ATP8A2: variants seen among roughly 807,000 people sequenced by gnomAD.
ATP8A2 encodes the protein ATPase phospholipid transporting 8A2, also known as phospholipid-transporting ATPase IB.
ATP8A2 carries 100 observed loss-of-function variants against 165.6 expected under a neutral mutation model. The ratio of observed to expected loss-of-function variants is 0.60; its 90% CI spans 0.51 to 0.71. The LOEUF is 0.71. Ranked by LOEUF, ATP8A2 falls within the 30% of genes least tolerant of loss-of-function variation. The pLI is 0.00. For synonymous variants in ATP8A2, 543 were observed against 548.8 expected (o/e 0.99, Z 0.15); for missense variants, 1,227 against 1,479.5 (o/e 0.83, Z 2.80).
In ATP8A2 at chr13:25,730,282, A is replaced by G. The variant is rs987119368; in HGVS notation, c.2384+30937A>G. Among the ~76,000 whole-genome samples, 3 of 152,248 alleles carry G rather than the reference A, an allele frequency of 2.0e-5. No individual in the cohort carries two copies. The East Asian group carries it at 5.8e-4, about 29-fold the overall frequency. Reference sequence around the variant, plus strand: ...ACTCCCGCCTGAGTGACAGAGTGAGACCCTGTCTCAACAACAACAACAACA... The same window carrying G: ...ACTCCCGCCTGAGTGACAGAGTGAGGCCCTGTCTCAACAACAACAACAACA... On this transcript the variant is annotated intron_variant, in intron 25 of 36. Coordinates refer to ENST00000381655, the MANE Select transcript of ATP8A2 (RefSeq NM_016529.6).
At chr13:25,853,397 A>T (rs1952062369) in intron 30 of ATP8A2, among the ~76,000 whole-genome samples, 1 of 81,152 alleles carries the variant, frequency 1.2e-5, no homozygotes, top group Non-Finnish European at 2.4e-5. Flanking sequence ...TCTAAAAAAA[A>T]TATATATATA....
chr13:26,012,686 GAGTTGGGGGAGCGGGCGCTGAT>G, intron 36 of ATP8A2, 64 bp downstream of exon 36: 2 of 969,614 alleles, frequency 2.1e-6, no homozygotes, highest in Non-Finnish European at 1.4e-6. Context: ...GGTTGATGAG[GAGTTGGGGGAGCGGGCGCTGAT>G]GGGGGGCCGG....
intron 13 of ATP8A2, among the ~76,000 whole-genome samples, chr13:25,557,501 A>G (rs1434605775): frequency 6.6e-6 from 1 of 152,074 alleles, no homozygotes; most frequent in East Asian, 1.9e-4. Context: ...ACTCTTCTCC[A>G]GTTTTCCGGG....
At chr13:25,526,000 C>G (rs758439229) in intron 2 of ATP8A2, among the ~76,000 whole-genome samples, 1 of 151,688 alleles carries the variant, frequency 6.6e-6, no homozygotes, top group Non-Finnish European at 1.5e-5. Flanking sequence ...CCTTTTTATT[C>G]TTTTTTCTTC....
At chr13:25,766,013 G>T (rs1331388795) in intron 25 of ATP8A2, among the ~76,000 whole-genome samples, 1 of 152,160 alleles carries the variant, frequency 6.6e-6, no homozygotes, top group Non-Finnish European at 1.5e-5. Flanking sequence ...TTGATCAGTT[G>T]GGTGACATAC....
At chr13:25,773,246 A>G (rs1401622904) in intron 26 of ATP8A2, among the ~76,000 whole-genome samples, 1 of 152,156 alleles carries the variant, frequency 6.6e-6, no homozygotes. Context: ...TTTTCATGCA[A>G]GGGAACTAAG....
intron 24 of ATP8A2, among the ~76,000 whole-genome samples, chr13:25,674,649 T>G (rs2042336175): frequency 6.6e-6 from 1 of 152,194 alleles, no homozygotes; most frequent in South Asian, 2.1e-4. Flanking sequence ...CTTGGAGAGC[T>G]AAATGCAATT....
intron 25 of ATP8A2, chr13:25,705,178 C>T: frequency 2.3e-6 from 1 of 436,080 alleles, no homozygotes; most frequent in South Asian, 1.7e-5. Flanking sequence ...TATTTTTGTC[C>T]AAATGGAGAT....
chr13:25,638,155 G>T (rs1163359542), intron 24 of ATP8A2, among the ~76,000 whole-genome samples: 1 of 152,068 alleles, frequency 6.6e-6, no homozygotes, highest in Non-Finnish European at 1.5e-5. Context: ...CAAAGATGGG[G>T]AAAAAACAGA....
chr13:25,557,970 CT>C (rs2039030955), intron 13 of ATP8A2, among the ~76,000 whole-genome samples: 1 of 151,796 alleles, frequency 6.6e-6, no homozygotes, highest in Non-Finnish European at 1.5e-5. Context: ...ATGGTGCGAT[CT>C]CGGCTCACTG....
chr13:25,599,815 G>A (rs2040335425), intron 24 of ATP8A2, among the ~76,000 whole-genome samples: 1 of 152,164 alleles, frequency 6.6e-6, no homozygotes, highest in African/African-American at 2.4e-5. Flanking sequence ...GGTCCTACTT[G>A]CCATGGACAG....
At chr13:25,740,035 C>G (rs541125600) in intron 25 of ATP8A2, among the ~76,000 whole-genome samples, 1 of 151,848 alleles carries the variant, frequency 6.6e-6, no homozygotes, top group Non-Finnish European at 1.5e-5. Context: ...GAGGGCTGGG[C>G]GCAGTGGCTC....
chr13:25,486,114 G>T (rs1361645508), intron 2 of ATP8A2, among the ~76,000 whole-genome samples: 1 of 152,148 alleles, frequency 6.6e-6, no homozygotes, highest in East Asian at 1.9e-4. Flanking sequence ...CACTTTCTGA[G>T]GTCCTTCTGT....
At chr13:25,791,550 C>CACAA (rs1723595957) in intron 27 of ATP8A2, among the ~76,000 whole-genome samples, 1 of 151,108 alleles carries the variant, frequency 6.6e-6, no homozygotes, top group African/African-American at 2.4e-5. Context: ...CATACACACA[C>CACAA]ACACACACAC....
chr13:25,914,369 C>T (rs1260759947), intron 33 of ATP8A2, among the ~76,000 whole-genome samples: 1 of 152,162 alleles, frequency 6.6e-6, no homozygotes, highest in East Asian at 1.9e-4. Flanking sequence ...TTTCTAGGAA[C>T]CTCTCCCACT....
At chr13:25,895,394 T>C (rs1354533284) in intron 33 of ATP8A2, among the ~76,000 whole-genome samples, 1 of 152,250 alleles carries the variant, frequency 6.6e-6, no homozygotes, top group African/African-American at 2.4e-5. Context: ...CACTTGATCA[T>C]GGTGGATAAG....
intron 1 of ATP8A2, among the ~76,000 whole-genome samples, chr13:25,384,899 A>G (rs1001740375): frequency 1.1e-4 from 16 of 152,320 alleles, no homozygotes; most frequent in Admixed American, 4.6e-4. Context: ...GAAAAGCTGC[A>G]GGGCTGTGTG....
intron 23 of ATP8A2, among the ~76,000 whole-genome samples, chr13:25,586,055 A>G (rs2138270471): frequency 6.6e-6 from 1 of 152,330 alleles, no homozygotes; most frequent in South Asian, 2.1e-4. Context: ...CCGATACTGC[A>G]CTAAGTCCTT....
intron 1 of ATP8A2, among the ~76,000 whole-genome samples, chr13:25,447,644 A>G (rs1178726231): frequency 6.6e-6 from 1 of 152,198 alleles, no homozygotes; most frequent in African/African-American, 2.4e-5. Flanking sequence ...CTCTTTTAGC[A>G]TTTGCTGTCC....
Sources: allele counts gnomAD v4.1 joint callset (sites outside exome capture counted in the v4.1 genomes callset), GRCh38; gene constraint gnomAD v4.1.1; transcripts MANE v1.5; gene names NCBI Gene and HGNC (gene_info 2026-07-23, HGNC 2026-07-21).